The following DMD variants were observed in gnomAD, a reference collection of about 807,000 sequenced individuals.
DMD encodes the protein dystrophin.
Under a neutral mutation model 330.1 loss-of-function variants are expected in DMD, and 63 were observed. The ratio of observed to expected loss-of-function variants is 0.19; its 90% CI spans 0.16 to 0.24. DMD has a LOEUF of 0.24. Among genes scored for constraint, DMD ranks in the 10% least tolerant of loss-of-function variants. The pLI, the probability that DMD is intolerant of heterozygous loss-of-function variation, is 1.00. For synonymous variants in DMD, 1,223 were observed against 959.8 expected (o/e 1.27, Z -5.07); for missense variants, 3,344 against 2,684.1 (o/e 1.25, Z -5.43).
chrX:31,295,121 G>T (rs1236034679), intron 62 of DMD, among the ~76,000 whole-genome samples: 4 of 108,882 alleles, frequency 3.7e-5, no homozygotes, highest in African/African-American at 1.0e-4. Flanking sequence ...TCAGCCTCCC[G>T]AGTATCTGGG....
At chrX:33,271,778 A>C (rs867441486) in intron 1 of DMD, among the ~76,000 whole-genome samples, 3 of 91,006 alleles carry the variant, frequency 3.3e-5, no homozygotes, top group African/African-American at 9.0e-5. Context: ...AAAAAAAACC[A>C]AAAAAAAAAA....
At chrX:33,211,152 G>T in intron 1 of DMD, 130 bp downstream of exon 1, 1 of 722,979 alleles carries the variant, frequency 1.4e-6, no homozygotes, top group Non-Finnish European at 2.1e-6. Context: ...TATATATGCA[G>T]TATATATAAC....
chrX:32,665,849 A>G (rs1295072525), intron 9 of DMD, among the ~76,000 whole-genome samples: 1 of 111,636 alleles, frequency 9.0e-6, no homozygotes, highest in Non-Finnish European at 1.9e-5. Flanking sequence ...TTTTGGGGGA[A>G]TTGACAGTCA....
intron 37 of DMD, among the ~76,000 whole-genome samples, chrX:32,362,448 A>T (rs755284805): frequency 3.8e-4 from 42 of 111,184 alleles, no homozygotes; most frequent in African/African-American, 1.1e-3. Context: ...GGTTTTATTT[A>T]TTTTTTTGGC....
chrX:32,092,724 CTTTTTTTTTTTTTTTT>C (rs11315047), intron 44 of DMD, among the ~76,000 whole-genome samples: 18 of 39,782 alleles, frequency 4.5e-4, no homozygotes, highest in African/African-American at 1.4e-3. Context: ...GTTATTTTCA[CTTTTTTTTTTTTTTTT>C]TTTTTTTTTT....
chrX:32,503,719 C>G (rs1380556933), intron 18 of DMD, among the ~76,000 whole-genome samples: 1 of 110,342 alleles, frequency 9.1e-6, no homozygotes, highest in Admixed American at 9.6e-5. Flanking sequence ...CCACGCCCAG[C>G]TAATTTTTGT....
chrX:31,264,881 T>C (rs2050879580), intron 62 of DMD, among the ~76,000 whole-genome samples: 3 of 112,770 alleles, frequency 2.7e-5, no homozygotes, highest in African/African-American at 9.7e-5. Context: ...GTTCCTGCTG[T>C]CAGTGCTGGA....
At chrX:32,801,777 A>AT (rs201380881) in intron 7 of DMD, among the ~76,000 whole-genome samples, 1,373 of 111,583 alleles carry the variant, frequency 0.012, 16 homozygotes, top group African/African-American at 0.042. Flanking sequence ...TGCTTTCCCC[A>AT]TTGCTTGTTT....
At chrX:31,347,896 T>C (rs997417029) in intron 61 of DMD, among the ~76,000 whole-genome samples, 2 of 112,466 alleles carry the variant, frequency 1.8e-5, no homozygotes, top group African/African-American at 6.5e-5. Flanking sequence ...TTTTTGTCTT[T>C]TGAATAATAG....
intron 9 of DMD, 40 bp from the exon 10 acceptor site, chrX:32,645,192 C>G (rs749975395): frequency 8.5e-6 from 10 of 1,170,367 alleles, no homozygotes; most frequent in Middle Eastern, 2.4e-4. Flanking sequence ...CAATTAATGT[C>G]TTTGCAGATT....
chrX:33,102,308 T>G lies in DMD; in HGVS notation c.32-82108A>C, dbSNP rs767467359. On this transcript the variant is annotated intron_variant, in intron 1 of 78. Coordinates refer to ENST00000357033, the MANE Select transcript of DMD (RefSeq NM_004006.3). ...AGGAGATATTACCCCAGAAGGCTGGTTTTTTTTGTTTTTTTTTTTTTTTAA... is the reference window on the plus strand; with the variant it reads ...AGGAGATATTACCCCAGAAGGCTGGGTTTTTTTGTTTTTTTTTTTTTTTAA... 3.6e-3 allele frequency among the ~76,000 whole-genome samples: 135 copies of G among 37,599 alleles called. 1 individual carries two copies. The South Asian group carries it at 0.039, about 11-fold the overall frequency. The allele number at this position is 37,599 out of a possible 115,157, so 32.7% of individuals were successfully genotyped here. A position where few individuals can be genotyped will look rare whatever the true frequency, so the allele number is the denominator to read the frequency against.
intron 43 of DMD, among the ~76,000 whole-genome samples, chrX:32,252,086 A>AT (rs2097265687): frequency 8.9e-6 from 1 of 111,785 alleles, no homozygotes; most frequent in South Asian, 3.7e-4. Flanking sequence ...ATCTATACTT[A>AT]TTTTTGTGGC....
At chrX:32,305,297 T>A (rs2148561753) in intron 42 of DMD, among the ~76,000 whole-genome samples, 1 of 111,367 alleles carries the variant, frequency 9.0e-6, no homozygotes, top group East Asian at 2.8e-4. Context: ...AACCAGTGTA[T>A]TAAAAATCTC....
intron 62 of DMD, among the ~76,000 whole-genome samples, chrX:31,281,847 ATT>A (rs2052634772): frequency 8.9e-6 from 1 of 112,212 alleles, no homozygotes; most frequent in Non-Finnish European, 1.9e-5. Flanking sequence ...TTTTGGTCAG[ATT>A]TGTGTCATTT....
chrX:32,229,719 TATATATAA>T (rs1349216123), intron 43 of DMD, among the ~76,000 whole-genome samples: 4 of 76,722 alleles, frequency 5.2e-5, no homozygotes, highest in African/African-American at 2.0e-4. Flanking sequence ...TATATATATA[TATATATAA>T]AATCAAAGAG....
At chrX:33,295,509 T>G (rs2053571480) in intron 1 of DMD, among the ~76,000 whole-genome samples, 1 of 111,107 alleles carries the variant, frequency 9.0e-6, no homozygotes, top group African/African-American at 3.3e-5. Context: ...TATAAATATA[T>G]GGAGATAAAG....
chrX:32,810,163 C>T (rs140712632), intron 6 of DMD, among the ~76,000 whole-genome samples: 4,303 of 109,921 alleles, frequency 0.039, 187 homozygotes, highest in African/African-American at 0.13. Context: ...ATACATACAA[C>T]GTTTATTTGT....
At chrX:32,155,095 T>A (rs1479684682) in intron 44 of DMD, among the ~76,000 whole-genome samples, 1 of 108,715 alleles carries the variant, frequency 9.2e-6, no homozygotes, top group Non-Finnish European at 1.9e-5. Context: ...CTAGAATGAA[T>A]ATGGTTTAAC....
At chrX:32,560,029 G>A (rs1241510929) in intron 16 of DMD, among the ~76,000 whole-genome samples, 2 of 110,610 alleles carry the variant, frequency 1.8e-5, no homozygotes, top group Non-Finnish European at 3.8e-5. Context: ...AGTTGAGAAT[G>A]TTGCAAAAAT....
Sources: allele counts gnomAD v4.1 joint callset (sites outside exome capture counted in the v4.1 genomes callset), GRCh38; gene constraint gnomAD v4.1.1; transcripts MANE v1.5; gene names NCBI Gene and HGNC (gene_info 2026-07-23, HGNC 2026-07-21).